The following IFT57 variants were observed in gnomAD, a reference collection of about 807,000 sequenced individuals.
IFT57 encodes intraflagellar transport 57.
Under a neutral mutation model 56.8 loss-of-function variants are expected in IFT57, and 59 were observed. The ratio of observed to expected loss-of-function variants is 1.04; its 90% CI spans 0.84 to 1.29. IFT57 has a LOEUF of 1.29. Ranked by LOEUF, IFT57 falls within the 50% of genes most tolerant of loss-of-function variation. The pLI is 0.00. For missense variants in IFT57, 470 were observed against 522.1 expected (o/e 0.90, Z 0.97); for synonymous variants, 209 against 186.1 (o/e 1.12, Z -1.00).
At chr3:108,193,064 C>A (rs945792055) in intron 5 of IFT57, among the ~76,000 whole-genome samples, 10 of 152,062 alleles carry the variant, frequency 6.6e-5, no homozygotes, top group Non-Finnish European at 2.9e-5. Context: ...CATTCCATAA[C>A]ACAAAATTTA....
intron 5 of IFT57, among the ~76,000 whole-genome samples, chr3:108,200,752 T>C (rs1338639547): frequency 6.6e-6 from 1 of 152,144 alleles, no homozygotes; most frequent in Non-Finnish European, 1.5e-5. Flanking sequence ...CGTGACAGAT[T>C]ATGAAAATAA....
rs1233158758 is a variant in IFT57, at chr3:108,205,842, T to C, written c.654+786A>G. On this transcript the variant is annotated intron_variant, in intron 5 of 10. Coordinates refer to ENST00000264538, the MANE Select transcript of IFT57 (RefSeq NM_018010.4). ...ATATATTATTTATATATTATTTAATTAATTTAACATATATTTATATAACAT... is the reference window on the plus strand; with the variant it reads ...ATATATTATTTATATATTATTTAATCAATTTAACATATATTTATATAACAT... 5.8e-5 allele frequency among the ~76,000 whole-genome samples: 8 copies of C among 137,346 alleles called. No individual in the cohort carries two copies. The South Asian group carries it at 8.6e-4, about 15-fold the overall frequency. The allele number at this position is 137,346 out of a possible 152,430, so 90.1% of individuals were successfully genotyped here. A position where few individuals can be genotyped will look rare whatever the true frequency, so the allele number is the denominator to read the frequency against.
chr3:108,212,280 T>A (rs1235278159), intron 4 of IFT57, among the ~76,000 whole-genome samples: 1 of 152,032 alleles, frequency 6.6e-6, no homozygotes, highest in African/African-American at 2.4e-5. Context: ...ACTCACTCTA[T>A]TGCCCAGGTT....
chr3:108,171,997 T>C (rs2080095623), intron 6 of IFT57, among the ~76,000 whole-genome samples: 1 of 151,902 alleles, frequency 6.6e-6, no homozygotes, highest in South Asian at 2.1e-4. Context: ...TTATAATGGA[T>C]ATGTTAAAAT....
At chr3:108,172,288 A>AGCT (rs894333495) in intron 6 of IFT57, among the ~76,000 whole-genome samples, 6 of 151,852 alleles carry the variant, frequency 4.0e-5, no homozygotes, top group African/African-American at 1.4e-4. Context: ...AGCAGCCAAC[A>AGCT]GCTGTCTAGC....
intron 5 of IFT57, among the ~76,000 whole-genome samples, chr3:108,198,058 CAAT>C (rs1475502991): frequency 3.9e-5 from 6 of 151,992 alleles, no homozygotes; most frequent in East Asian, 1.9e-4. Context: ...GTTAAATGCC[CAAT>C]AATAACACCA....
intron 6 of IFT57, among the ~76,000 whole-genome samples, chr3:108,174,003 T>TG (rs2080110278): frequency 7.1e-6 from 1 of 140,486 alleles, no homozygotes; most frequent in Non-Finnish European, 1.5e-5. Flanking sequence ...TTTGAGTGTG[T>TG]GTGTGTGTGT....
At chr3:108,206,291 C>A (rs1377918625) in intron 5 of IFT57, among the ~76,000 whole-genome samples, 1 of 150,896 alleles carries the variant, frequency 6.6e-6, no homozygotes, top group Non-Finnish European at 1.5e-5. Context: ...TAATCAAGAT[C>A]ATTAAATCTT....
At position 108,183,396 on chromosome 3, in the gene IFT57, G is replaced by T. The variant is rs149031315; in HGVS notation, c.777+8125C>A. ...AAAACCACAGCCTCTGTAGCAATCA[G>T]CCCCAAACAGGGTTTAATCAATGAC... On this transcript the variant is annotated intron_variant, in intron 6 of 10. Transcript: ENST00000264538. Among the ~76,000 whole-genome samples the T allele has an allele frequency of 2.4e-3, 370 of 152,202 alleles. 2 individuals are homozygous for T. The highest frequency in any genetic ancestry group is 0.014 in the Middle Eastern group (4 of 294).
rs186211742 is a variant in IFT57 at position 108,211,406 on chromosome 3, A to G, written c.585+2525T>C. Among the ~76,000 whole-genome samples the G allele has an allele frequency of 2.5e-3, 376 of 152,382 alleles. 4 individuals are homozygous for G. The highest frequency in any genetic ancestry group is 8.7e-3 in the African/African-American group (362 of 41,596). On this transcript the variant is annotated intron_variant, in intron 4 of 10. Transcript: ENST00000264538. ...AAGAATAAAGCCTAAACTACTTTTC[A>G]TGCCCAAAACAATCTGAACTTGGTC...
intron 6 of IFT57, among the ~76,000 whole-genome samples, chr3:108,176,036 A>C (rs2080122143): frequency 6.6e-6 from 1 of 151,804 alleles, no homozygotes; most frequent in South Asian, 2.1e-4. Flanking sequence ...TGTGTGTTGA[A>C]TCACTTTCCA....
chr3:108,205,965 T>A (rs1298025960), intron 5 of IFT57, among the ~76,000 whole-genome samples: 1 of 60,914 alleles, frequency 1.6e-5, no homozygotes, highest in African/African-American at 5.2e-5. Flanking sequence ...ATAAATATAT[T>A]ATATATTTAT....
At chr3:108,222,087 G>A in intron 1 of IFT57, 24 bp downstream of exon 1, 2 of 1,568,540 alleles carry the variant, frequency 1.3e-6, no homozygotes, top group Non-Finnish European at 1.7e-6. Context: ...AGGCACCCGG[G>A]CGCTCGGGGA....
chr3:108,201,916 A>G (rs916520604), intron 5 of IFT57, among the ~76,000 whole-genome samples: 1 of 152,168 alleles, frequency 6.6e-6, no homozygotes, highest in African/African-American at 2.4e-5. Context: ...TCCTTTCAGC[A>G]TTTGCCTTTT....
chr3:108,186,602 CG>C (rs2080184577), intron 6 of IFT57, among the ~76,000 whole-genome samples: 1 of 151,932 alleles, frequency 6.6e-6, no homozygotes, highest in African/African-American at 2.4e-5. Context: ...AACCAAATTG[CG>C]GAAGAATTGG....
chr3:108,174,864 T>A (rs2108311318), intron 6 of IFT57, among the ~76,000 whole-genome samples: 2 of 151,966 alleles, frequency 1.3e-5, no homozygotes, highest in Middle Eastern at 6.8e-3. Context: ...GAAGCAGATA[T>A]CAGCAGATAT....
chr3:108,217,540 GATGAAT>G (rs958383469), intron 3 of IFT57, among the ~76,000 whole-genome samples: 1 of 151,812 alleles, frequency 6.6e-6, no homozygotes, highest in African/African-American at 2.4e-5. Flanking sequence ...TTTAAAAATA[GATGAAT>G]ATGAGTAATT....
intron 6 of IFT57, among the ~76,000 whole-genome samples, chr3:108,174,309 G>A (rs945470996): frequency 1.4e-4 from 21 of 149,658 alleles, no homozygotes; most frequent in Admixed American, 4.1e-4. Context: ...ACATAACTGC[G>A]ATAGTTAAAA....
chr3:108,202,780 AT>A, intron 5 of IFT57, among the ~76,000 whole-genome samples: 1 of 152,286 alleles, frequency 6.6e-6, no homozygotes, highest in Middle Eastern at 3.4e-3. Context: ...CTTTAAATAT[AT>A]TTTTTAAACC....
Sources: allele counts gnomAD v4.1 joint callset (sites outside exome capture counted in the v4.1 genomes callset), GRCh38; gene constraint gnomAD v4.1.1; transcripts MANE v1.5; gene names NCBI Gene and HGNC (gene_info 2026-07-23, HGNC 2026-07-21).